ZC4H2: variants seen among roughly 807,000 people sequenced by gnomAD.
ZC4H2 encodes zinc finger C4H2 domain-containing protein.
For synonymous variants in ZC4H2, 84 were observed against 66.3 expected, an observed-to-expected ratio of 1.27 and a Z score of -1.30; for missense variants, 137 against 173.9, an observed-to-expected ratio of 0.79 and a Z score of 1.19.
chrX:64,930,924 C>T (rs956526587), intron 1 of ZC4H2, among the ~76,000 whole-genome samples: 1 of 111,942 alleles, frequency 8.9e-6, no homozygotes, highest in African/African-American at 3.2e-5. Context: ...GGAATGGTTT[C>T]AGTAGGATTG....
chrX:64,948,366 T>A (rs974530478), intron 1 of ZC4H2, among the ~76,000 whole-genome samples: 1 of 111,440 alleles, frequency 9.0e-6, no homozygotes, highest in Non-Finnish European at 1.9e-5. Context: ...TGAAAAAAAA[T>A]TGGCTTCTGG....
chrX:64,948,944 A>G (rs1468445783), intron 1 of ZC4H2, among the ~76,000 whole-genome samples: 1 of 111,985 alleles, frequency 8.9e-6, no homozygotes, highest in East Asian at 2.8e-4. Context: ...TTGTCTGTAA[A>G]CATATTGACT....
intron 1 of ZC4H2, among the ~76,000 whole-genome samples, chrX:64,931,119 T>A (rs1157494520): frequency 1.8e-5 from 2 of 111,880 alleles, no homozygotes. Context: ...CTTGTCCACA[T>A]CCTCTACACA....
intron 1 of ZC4H2, among the ~76,000 whole-genome samples, chrX:64,928,741 TTC>T (rs1286408462): frequency 1.0e-5 from 1 of 99,977 alleles, no homozygotes; most frequent in Non-Finnish European, 2.0e-5. Flanking sequence ...CTTCTTCTCC[TTC>T]TCCTTCTTCT....
At chrX:64,954,443 TTGAG>T (rs1472146574) in intron 1 of ZC4H2, among the ~76,000 whole-genome samples, 1 of 92,492 alleles carries the variant, frequency 1.1e-5, no homozygotes, top group Admixed American at 1.2e-4. Flanking sequence ...TCTAATATGT[TTGAG>T]TGCTTGCTAT....
rs903607469 is a variant in ZC4H2, at chrX:64,932,297, G to T, written c.54-10309C>A. 2.7e-5 allele frequency among the ~76,000 whole-genome samples: 3 copies of T among 111,079 alleles called. No homozygotes were observed. The Admixed American group carries it at 2.9e-4, about 11-fold the overall frequency. On this transcript the variant is annotated intron_variant, in intron 1 of 4. Coordinates refer to ENST00000374839, the MANE Select transcript of ZC4H2 (RefSeq NM_018684.4). ...GAAAACAACACATACTTGGTTGGTG[G>T]TTTATTTAATTCATTCTGCTATTAT...
chrX:65,019,181 C>A (rs1932817486), intron 1 of ZC4H2, among the ~76,000 whole-genome samples: 2 of 111,782 alleles, frequency 1.8e-5, no homozygotes, highest in South Asian at 3.7e-4. Flanking sequence ...CATTCAAGGT[C>A]TGATAAGGGA....
chrX:64,926,176 TAAC>T (rs1453684010), intron 1 of ZC4H2, among the ~76,000 whole-genome samples: 3 of 111,602 alleles, frequency 2.7e-5, no homozygotes, highest in African/African-American at 9.8e-5. Flanking sequence ...TGCAGGGCAG[TAAC>T]AACAGTCTAC....
chrX:64,987,326 T>G (rs1393427566), intron 1 of ZC4H2, among the ~76,000 whole-genome samples: 2 of 111,410 alleles, frequency 1.8e-5, no homozygotes, highest in East Asian at 5.6e-4. Flanking sequence ...TAAATCATTC[T>G]ACCTGATGTC....
rs756615930 is a variant in ZC4H2 at position 64,919,134 on chromosome X, C to A, written c.469G>T (p.Ala157Ser). The A allele has an allele frequency of 3.3e-6, 4 of 1,206,931 alleles. No individual in the cohort carries two copies. ...AGCTGTTGGGCGGCAGCGGCTGCAGCGGCCAGGGACTCAGGGATGGGGGGC... is the reference window on the plus strand; with the variant it reads ...AGCTGTTGGGCGGCAGCGGCTGCAGAGGCCAGGGACTCAGGGATGGGGGGC... Reference protein sequence around the residue: ...QEPPIPESLAAAAAAAQQLQV... With the variant: ...QEPPIPESLASAAAAAQQLQV... The change falls in exon 4 of 5, where the codon GCT becomes TCT. Residue 157 changes from alanine (A) to serine (S), a missense_variant. Transcript: ENST00000374839.
At chrX:64,945,283 C>T (rs919335099) in intron 1 of ZC4H2, among the ~76,000 whole-genome samples, 1 of 112,041 alleles carries the variant, frequency 8.9e-6, no homozygotes, top group African/African-American at 3.2e-5. Context: ...TCCTTTATGT[C>T]GATGTTGATG....
intron 1 of ZC4H2, among the ~76,000 whole-genome samples, chrX:64,951,849 G>C (rs1362601749): frequency 9.0e-6 from 1 of 111,189 alleles, no homozygotes; most frequent in Non-Finnish European, 1.9e-5. Flanking sequence ...CATTGCTCTT[G>C]GTGTTTTAGA....
rs1184826737 is a variant in ZC4H2 at position 65,002,145 on chromosome X, C to A, written c.-272+32484G>T. 3.6e-5 allele frequency among the ~76,000 whole-genome samples: 4 copies of A among 111,957 alleles called. No individual in the cohort carries two copies. The Admixed American group carries it at 3.8e-4, about 11-fold the overall frequency. On this transcript the variant is annotated intron_variant, in intron 1 of 4. Transcript: ENST00000337990. ...CCAATTCAACAGAATATACATTCTT[C>A]TCACCAACACAACACAACACACTTA...
rs765725147 is a variant in ZC4H2, at chrX:65,031,620, G to A, written c.-272+3009C>T. On this transcript the variant is annotated intron_variant, in intron 1 of 4. Coordinates refer to the ZC4H2 transcript ENST00000337990. ...TCTTAATGTATCTCCTTGGGGGACA[G>A]AGTGAACCTTTATCCTTTCTCTAAC... Among the ~76,000 whole-genome samples the A allele has an allele frequency of 8.9e-5, 10 of 112,264 alleles. No individual in the cohort carries two copies. In the South Asian group the frequency reaches 1.5e-3, roughly 17 times the overall value.
chrX:64,929,159 G>C (rs1262404142), intron 1 of ZC4H2, among the ~76,000 whole-genome samples: 1 of 111,185 alleles, frequency 9.0e-6, no homozygotes, highest in African/African-American at 3.3e-5. Flanking sequence ...TCCCAAAGTT[G>C]TGGGACTACA....
chrX:64,947,250 A>T (rs1930579052), intron 1 of ZC4H2, among the ~76,000 whole-genome samples: 2 of 112,211 alleles, frequency 1.8e-5, no homozygotes, highest in Admixed American at 1.9e-4. Context: ...TTTATATCCC[A>T]GGAAATGGTC....
chrX:64,929,847 T>A (rs894036018), intron 1 of ZC4H2, among the ~76,000 whole-genome samples: 1 of 111,776 alleles, frequency 8.9e-6, no homozygotes, highest in Non-Finnish European at 1.9e-5. Context: ...GCTTTAGCCA[T>A]GTGGGCTCTC....
At chrX:64,990,728 T>C (rs1028202614) in intron 1 of ZC4H2, among the ~76,000 whole-genome samples, 1 of 111,567 alleles carries the variant, frequency 9.0e-6, no homozygotes, top group Admixed American at 9.5e-5. Context: ...CTCCAGGGCC[T>C]AGTGTAGACC....
At chrX:64,957,971 T>C (rs1452555575) in intron 1 of ZC4H2, among the ~76,000 whole-genome samples, 1 of 112,120 alleles carries the variant, frequency 8.9e-6, no homozygotes. Flanking sequence ...CTACATCTTG[T>C]CCCACTGGAA....
Sources: allele counts gnomAD v4.1 joint callset (sites outside exome capture counted in the v4.1 genomes callset), GRCh38; gene constraint gnomAD v4.1.1; transcripts MANE v1.5; gene names NCBI Gene and HGNC (gene_info 2026-07-23, HGNC 2026-07-21).